The following FRY variants were observed in gnomAD, a reference collection of about 807,000 sequenced individuals.
The protein encoded by FRY is protein furry homolog.
FRY carries 128 observed loss-of-function variants against 348.4 expected under a neutral mutation model. That is an observed-to-expected ratio of 0.37 (90% CI 0.32 to 0.43). The LOEUF is 0.43. Among genes scored for constraint, FRY ranks in the 20% least tolerant of loss-of-function variants. The pLI, the probability that FRY is intolerant of heterozygous loss-of-function variation, is 1.00. For synonymous variants in FRY, 1,370 were observed against 1,374.7 expected, an observed-to-expected ratio of 1.00 and a Z score of 0.08; for missense variants, 2,736 against 3,695.2, an observed-to-expected ratio of 0.74 and a Z score of 6.73.
At chr13:32,097,449 C>T (rs1393941374) in intron 2 of FRY, among the ~76,000 whole-genome samples, 1 of 149,908 alleles carries the variant, frequency 6.7e-6, no homozygotes, top group African/African-American at 2.5e-5. Context: ...GCAACCTCCA[C>T]CTCCTGGTTC....
intron 41 of FRY, among the ~76,000 whole-genome samples, chr13:32,233,838 T>C (rs1437679947): frequency 6.6e-6 from 1 of 152,258 alleles, no homozygotes; most frequent in East Asian, 1.9e-4. Flanking sequence ...ACAACAACTG[T>C]ACGAGACAAG....
chr13:32,186,085 G>C (rs1883009856), intron 26 of FRY, among the ~76,000 whole-genome samples, 175 bp from the exon 27 acceptor site: 1 of 152,184 alleles, frequency 6.6e-6, no homozygotes, highest in African/African-American at 2.4e-5. Context: ...GACAGGAAGA[G>C]TGCACACTTA....
intron 30 of FRY, 49 bp from the exon 31 acceptor site, chr13:32,202,307 C>T: frequency 7.3e-7 from 1 of 1,372,050 alleles, no homozygotes; most frequent in Non-Finnish European, 1.0e-6. Context: ...CATGAGATAT[C>T]CAGCTAATGC....
chr13:32,104,719 A>C (rs1042467401), intron 3 of FRY, among the ~76,000 whole-genome samples: 1 of 152,152 alleles, frequency 6.6e-6, no homozygotes, highest in African/African-American at 2.4e-5. Flanking sequence ...TAATTCCCAC[A>C]TGTCATGGGA....
At chr13:32,154,299 A>G (rs1472919677) in intron 14 of FRY, among the ~76,000 whole-genome samples, 1 of 152,226 alleles carries the variant, frequency 6.6e-6, no homozygotes, top group South Asian at 2.1e-4. Flanking sequence ...GAGAAAGCAT[A>G]TAATTTAAGG....
At chr13:32,176,957 G>A (rs1882395757) in intron 20 of FRY, among the ~76,000 whole-genome samples, 1 of 152,158 alleles carries the variant, frequency 6.6e-6, no homozygotes, top group African/African-American at 2.4e-5. Context: ...ACAGGCTTTG[G>A]GCAGAGCCTA....
intron 28 of FRY, among the ~76,000 whole-genome samples, chr13:32,188,887 T>G (rs1218094194): frequency 1.3e-5 from 2 of 152,138 alleles, no homozygotes; most frequent in East Asian, 3.8e-4. Context: ...ATGGAACATT[T>G]GCTAAAGTTT....
intron 17 of FRY, 115 bp from the exon 18 acceptor site, chr13:32,170,897 A>T: frequency 3.7e-6 from 3 of 807,788 alleles, no homozygotes; most frequent in Non-Finnish European, 4.2e-6. Context: ...AATAAGGGAG[A>T]CCCATTTTCA....
intron 50 of FRY, among the ~76,000 whole-genome samples, chr13:32,252,438 A>G (rs1887130107): frequency 6.6e-6 from 1 of 152,222 alleles, no homozygotes; most frequent in African/African-American, 2.4e-5. Context: ...ACTAAGAATA[A>G]AACAAAAATC....
At chr13:32,090,763 T>C (rs1391655670) in intron 2 of FRY, among the ~76,000 whole-genome samples, 1 of 152,174 alleles carries the variant, frequency 6.6e-6, no homozygotes, top group Non-Finnish European at 1.5e-5. Context: ...TTTTGTTCAA[T>C]TAAAATGAAG....
intron 20 of FRY, among the ~76,000 whole-genome samples, chr13:32,176,863 G>T (rs1022066468): frequency 6.6e-6 from 1 of 152,194 alleles, no homozygotes; most frequent in Non-Finnish European, 1.5e-5. Flanking sequence ...TTCACTGAAA[G>T]ATTTGGTGAG....
rs1457802018 is a variant in FRY at position 32,194,208 on chromosome 13, T to A, written c.3657T>A (p.Leu1219=). 2 of 1,614,010 alleles carry A rather than the reference T, an allele frequency of 1.2e-6. No homozygotes were observed. Among genetic ancestry groups the A allele is most frequent in the African/African-American group, 2.7e-5 (2 of 74,948 alleles). Residue 1219 remains leucine (L), a synonymous_variant, in exon 29 of 61, where the codon CTT becomes CTA. Transcript: ENST00000542859. The part of the protein sequence containing the change: ...LLELNPDQIN[L]FNWAIDRCYT... ...AACTTAATCCTGACCAAATAAATCT[T>A]TTTAACTGGGCAATTGACCGATGCT...
chr13:32,100,567 A>G (rs1005061582), intron 2 of FRY, among the ~76,000 whole-genome samples: 4 of 151,080 alleles, frequency 2.6e-5, no homozygotes, highest in Middle Eastern at 3.2e-3. Flanking sequence ...TATAATGAGT[A>G]AATCAAGCTA....
chr13:32,074,522 G>T (rs373423410), intron 1 of FRY, among the ~76,000 whole-genome samples: 1 of 152,090 alleles, frequency 6.6e-6, no homozygotes, highest in Non-Finnish European at 1.5e-5. Context: ...GTTATATGAC[G>T]ATAGAAAGGA....
intron 31 of FRY, among the ~76,000 whole-genome samples, chr13:32,203,257 A>C (rs573383348): frequency 6.6e-6 from 1 of 152,332 alleles, no homozygotes; most frequent in Non-Finnish European, 1.5e-5. Context: ...TGGTTGTGAT[A>C]GTGGTGGTGT....
intron 4 of FRY, among the ~76,000 whole-genome samples, chr13:32,123,783 A>C (rs529742206): frequency 1.3e-5 from 2 of 152,268 alleles, no homozygotes; most frequent in African/African-American, 4.8e-5. Flanking sequence ...TTCAAATCCA[A>C]TGTTTGTCCA....
At chr13:32,037,677 T>C (rs1289759126) in intron 1 of FRY, among the ~76,000 whole-genome samples, 1 of 152,204 alleles carries the variant, frequency 6.6e-6, no homozygotes, top group Non-Finnish European at 1.5e-5. Flanking sequence ...TTTGAGAAAG[T>C]TGCCAATATT....
At chr13:32,055,524 A>T (rs1354731297) in intron 1 of FRY, among the ~76,000 whole-genome samples, 2 of 152,208 alleles carry the variant, frequency 1.3e-5, no homozygotes, top group Non-Finnish European at 2.9e-5. Flanking sequence ...CTTGCCAGGG[A>T]TTCAAATTCT....
intron 2 of FRY, among the ~76,000 whole-genome samples, chr13:32,097,277 A>G (rs78513105): frequency 0.021 from 3,149 of 152,088 alleles, 102 homozygotes; most frequent in East Asian, 0.11. Flanking sequence ...TCTGAGTTTT[A>G]AGGTCTCCCA....
Sources: gnomAD v4.1 joint callset for allele counts (sites outside exome capture counted in the v4.1 genomes callset) on GRCh38, gnomAD v4.1.1 for gene constraint, MANE v1.5 for transcripts, NCBI Gene and HGNC (gene_info 2026-07-23, HGNC 2026-07-21) for gene names.